The following TAFA2 variants were observed in gnomAD, a reference collection of about 807,000 sequenced individuals.
TAFA2 encodes the protein chemokine-like protein TAFA-2.
In TAFA2, 7 loss-of-function variants were observed where a neutral mutation model predicts 18.8. The observed-to-expected ratio is 0.37, with a 90% confidence interval of 0.21 to 0.70. TAFA2 has a LOEUF of 0.70. Ranked by LOEUF, TAFA2 falls within the 30% of genes least tolerant of loss-of-function variation. The probability of loss-of-function intolerance (pLI) is 0.53; values close to 1 mark genes in which losing one functional copy is unlikely to be tolerated. For missense variants in TAFA2, 122 were observed against 158.1 expected, an observed-to-expected ratio of 0.77 and a Z score of 1.23; for synonymous variants, 60 against 54.2, an observed-to-expected ratio of 1.11 and a Z score of -0.47.
intron 1 of TAFA2, chr12:62,139,898 C>CCAATTAT (rs1298875186): frequency 1.3e-5 from 2 of 152,178 alleles, no homozygotes; most frequent in Non-Finnish European, 2.9e-5. Context: ...AACTCCCAAT[C>CCAATTAT]CAATTATCTT....
chr12:61,886,358 C>G (rs1243840628), intron 1 of TAFA2, among the ~76,000 whole-genome samples: 1 of 152,132 alleles, frequency 6.6e-6, no homozygotes, highest in African/African-American at 2.4e-5. Context: ...TCACTTTGTT[C>G]TCGCTACCAC....
At chr12:61,751,589 G>A (rs924671829) in intron 4 of TAFA2, among the ~76,000 whole-genome samples, 1 of 151,884 alleles carries the variant, frequency 6.6e-6, no homozygotes, top group African/African-American at 2.4e-5. Flanking sequence ...CCTCTATAAT[G>A]TCTTAAATAA....
At chr12:61,925,025 A>T (rs920751003) in intron 1 of TAFA2, among the ~76,000 whole-genome samples, 1 of 152,216 alleles carries the variant, frequency 6.6e-6, no homozygotes, top group South Asian at 2.1e-4. Context: ...CCAATGCAAC[A>T]AGAAGACGTA....
chr12:62,012,412 T>TAA (rs11301631), intron 1 of TAFA2, among the ~76,000 whole-genome samples: 1 of 145,102 alleles, frequency 6.9e-6, no homozygotes, highest in Non-Finnish European at 1.5e-5. Flanking sequence ...TTTCAGCATT[T>TAA]AAAAAAAAAA....
At chr12:62,139,556 T>TC (rs1250338989) in intron 1 of TAFA2, among the ~76,000 whole-genome samples, 2 of 152,190 alleles carry the variant, frequency 1.3e-5, no homozygotes. Context: ...AATTAATACC[T>TC]CTTCTCCTGG....
chr12:61,917,279 T>C (rs1876865002), intron 1 of TAFA2, among the ~76,000 whole-genome samples: 1 of 152,328 alleles, frequency 6.6e-6, no homozygotes, highest in Non-Finnish European at 1.5e-5. Flanking sequence ...TGAATCCAAG[T>C]CTACATAGCA....
At chr12:62,224,914 T>C (rs1383120589) in intron 1 of TAFA2, among the ~76,000 whole-genome samples, 1 of 152,074 alleles carries the variant, frequency 6.6e-6, no homozygotes, top group Non-Finnish European at 1.5e-5. Flanking sequence ...AAATAAGTAA[T>C]GGGCAATACA....
At chr12:61,954,546 C>T (rs556930238) in intron 1 of TAFA2, among the ~76,000 whole-genome samples, 2 of 152,116 alleles carry the variant, frequency 1.3e-5, no homozygotes, top group Non-Finnish European at 2.9e-5. Flanking sequence ...ACAAAACACA[C>T]ACACACACAC....
intron 1 of TAFA2, among the ~76,000 whole-genome samples, chr12:62,224,569 C>T (rs1421595520): frequency 6.6e-6 from 1 of 152,144 alleles, no homozygotes; most frequent in East Asian, 1.9e-4. Context: ...GCCTCACCCC[C>T]TAATACCATC....
intron 1 of TAFA2, among the ~76,000 whole-genome samples, chr12:62,102,162 C>T (rs971303851): frequency 6.6e-6 from 1 of 152,150 alleles, no homozygotes; most frequent in African/African-American, 2.4e-5. Context: ...GTGCTTTGTC[C>T]TCCCTTGATT....
At chr12:62,114,227 T>C (rs964284448) in intron 1 of TAFA2, among the ~76,000 whole-genome samples, 1 of 152,166 alleles carries the variant, frequency 6.6e-6, no homozygotes, top group Non-Finnish European at 1.5e-5. Flanking sequence ...TCTCATGGCT[T>C]CCCTTGGCTA....
intron 1 of TAFA2, among the ~76,000 whole-genome samples, chr12:62,236,272 CTT>C (rs58214265): frequency 0.35 from 42,292 of 120,564 alleles, 6,290 homozygotes; most frequent in African/African-American, 0.43. Flanking sequence ...TTTTTTTTTT[CTT>C]TTTTTTTTTT....
chr12:61,865,177 T>G (rs1238461151), intron 2 of TAFA2, among the ~76,000 whole-genome samples: 3 of 152,172 alleles, frequency 2.0e-5, no homozygotes, highest in Non-Finnish European at 2.9e-5. Context: ...GGTTCTTACC[T>G]TAACCATTTA....
intron 1 of TAFA2, among the ~76,000 whole-genome samples, chr12:62,044,376 A>G (rs1881852448): frequency 6.6e-6 from 1 of 152,158 alleles, no homozygotes; most frequent in East Asian, 1.9e-4. Flanking sequence ...GAGGAAATGG[A>G]TCACAAGGAT....
chr12:62,120,658 G>A (rs1201654504), intron 1 of TAFA2, among the ~76,000 whole-genome samples: 1 of 151,972 alleles, frequency 6.6e-6, no homozygotes, highest in Non-Finnish European at 1.5e-5. Context: ...TGACCCAACA[G>A]CATGACCAGC....
rs78420867 is a variant in TAFA2 at position 61,931,406 on chromosome 12, G to T, written c.-1-63980C>A. On this transcript the variant is annotated intron_variant, in intron 1 of 4. Coordinates refer to ENST00000416284, the MANE Select transcript of TAFA2 (RefSeq NM_178539.5). ...ATATAATAAAAAAGGCACAGTGTCT[G>T]ATCTTATGCTGTGTGAGCACTTGGC... Among the ~76,000 whole-genome samples the T allele has an allele frequency of 9.6e-3, 1,468 of 152,326 alleles. 39 individuals carry two copies. Among genetic ancestry groups the T allele is most frequent in the African/African-American group, 0.033 (1,381 of 41,586 alleles).
chr12:62,135,149 T>G (rs1247798663), intron 1 of TAFA2, among the ~76,000 whole-genome samples: 1 of 152,080 alleles, frequency 6.6e-6, no homozygotes, highest in Non-Finnish European at 1.5e-5. Context: ...GGACTGTGTC[T>G]TAGTCACAGC....
At chr12:62,146,337 G>A (rs1410385638) in intron 1 of TAFA2, among the ~76,000 whole-genome samples, 2 of 143,658 alleles carry the variant, frequency 1.4e-5, no homozygotes, top group African/African-American at 2.6e-5. Flanking sequence ...AGGCTGGAGT[G>A]CAGTGGCACA....
chr12:62,195,411 T>C (rs1167648505), upstream of TAFA2, among the ~76,000 whole-genome samples: 2 of 152,220 alleles, frequency 1.3e-5, no homozygotes, highest in Non-Finnish European at 2.9e-5. Flanking sequence ...CAGAAGCTTT[T>C]CAATTTACTT....
Sources: allele counts gnomAD v4.1 joint callset (sites outside exome capture counted in the v4.1 genomes callset), GRCh38; gene constraint gnomAD v4.1.1; transcripts MANE v1.5; gene names NCBI Gene and HGNC (gene_info 2026-07-23, HGNC 2026-07-21).